Variants in MCTP1 observed in about 807,000 individuals in gnomAD.
The protein encoded by MCTP1 is multiple C2 and transmembrane domain containing 1.
In MCTP1, 69 loss-of-function variants were observed where a neutral mutation model predicts 120.6. That is an observed-to-expected ratio of 0.57 (90% CI 0.47 to 0.70). The LOEUF is 0.70. Ranked by LOEUF, MCTP1 falls within the 30% of genes least tolerant of loss-of-function variation. The probability of loss-of-function intolerance (pLI) is 0.00; values close to 1 mark genes in which losing one functional copy is unlikely to be tolerated. For synonymous variants in MCTP1, 529 were observed against 493.1 expected (o/e 1.07, Z -0.96); for missense variants, 1,203 against 1,248.8 (o/e 0.96, Z 0.55).
At chr5:95,224,972 T>C (rs1386688528) in intron 1 of MCTP1, among the ~76,000 whole-genome samples, 1 of 152,228 alleles carries the variant, frequency 6.6e-6, no homozygotes, top group African/African-American at 2.4e-5. Flanking sequence ...CCAGAACATG[T>C]TCCTGAAGGG....
At chr5:94,867,307 G>C (rs1034688742) in intron 17 of MCTP1, 105 of 1,531,534 alleles carry the variant, frequency 6.9e-5, no homozygotes, top group Non-Finnish European at 8.8e-5. Flanking sequence ...TAACTTTCTG[G>C]TAACTTACAA....
At chr5:94,761,332 G>A (rs1479369113) in intron 19 of MCTP1, among the ~76,000 whole-genome samples, 4 of 152,158 alleles carry the variant, frequency 2.6e-5, no homozygotes, top group African/African-American at 7.2e-5. Context: ...CTAGCTTTGA[G>A]GGAGAGCTTA....
Position 95,032,182 on chromosome 5 carries a change from T to C in MCTP1, c.721-14698A>G, listed in dbSNP as rs113963868. On this transcript the variant is annotated intron_variant, in intron 1 of 22. Transcript: ENST00000515393. ...TCTACTGACAGCACTAGATAGATCA[T>C]TGAGGCAGACAACTAACAAAGAAAC... is the stretch of plus-strand genomic sequence containing the variant. Among the ~76,000 whole-genome samples the C allele has an allele frequency of 2.5e-3, 373 of 152,178 alleles. 1 individual carries two copies. Among genetic ancestry groups the C allele is most frequent in the African/African-American group, 8.6e-3 (356 of 41,542 alleles).
intron 19 of MCTP1, among the ~76,000 whole-genome samples, chr5:94,733,085 T>C (rs1440366358): frequency 2.6e-5 from 4 of 152,264 alleles, no homozygotes; most frequent in African/African-American, 9.6e-5. Context: ...TACTTTATTA[T>C]TTAAGCTAGT....
chr5:95,255,117 T>C (rs926581541), intron 1 of MCTP1, among the ~76,000 whole-genome samples: 1 of 152,218 alleles, frequency 6.6e-6, no homozygotes, highest in Non-Finnish European at 1.5e-5. Context: ...TGAAAGCCAC[T>C]GTTCTATTCC....
At chr5:94,793,054 T>C (rs913924285) in intron 18 of MCTP1, among the ~76,000 whole-genome samples, 1 of 152,168 alleles carries the variant, frequency 6.6e-6, no homozygotes, top group Non-Finnish European at 1.5e-5. Flanking sequence ...TTCATAGGGC[T>C]CAGGGCTGGA....
chr5:94,909,338 T>G lies in MCTP1; in HGVS notation c.1565A>C (p.Asp522Ala), dbSNP rs1182697307. 6.8e-6 allele frequency: 11 copies of G among 1,608,996 alleles called. No homozygotes were observed. Among genetic ancestry groups the G allele is most frequent in the East Asian group, 2.2e-5 (1 of 44,628 alleles). The change falls in exon 10 of 23, where the codon GAT becomes GCT. Residue 522 changes from aspartate (D) to alanine (A), a missense_variant. Coordinates refer to ENST00000515393, the MANE Select transcript of MCTP1 (RefSeq NM_024717.7). ...TLNPQWREQF[D>A]FHLYEERGGV... ...TCCTCTTTCTTCATAAAGGTGAAAA[T>G]CAAATTGTTCCCTCCACTGAGGATT...
At chr5:95,270,647 G>A (rs137889231) in intron 1 of MCTP1, among the ~76,000 whole-genome samples, 155 of 152,186 alleles carry the variant, frequency 1.0e-3, no homozygotes, top group African/African-American at 3.3e-3. Context: ...GATAGACTGC[G>A]GGCCGGGCAT....
chr5:95,077,288 A>G (rs1306396231), intron 1 of MCTP1, among the ~76,000 whole-genome samples: 1 of 152,200 alleles, frequency 6.6e-6, no homozygotes. Context: ...AAATTATAAA[A>G]TAGTCAAAGT....
chr5:95,013,152 G>A (rs527836665), intron 2 of MCTP1, among the ~76,000 whole-genome samples: 2 of 152,200 alleles, frequency 1.3e-5, no homozygotes, highest in South Asian at 2.1e-4. Context: ...TTAAACCAAA[G>A]CCTAATCCAG....
At position 94,934,979 on chromosome 5, in the gene MCTP1, T is replaced by C. The variant is rs571917990; in HGVS notation, c.1174-2988A>G. On this transcript the variant is annotated intron_variant, in intron 5 of 22. Coordinates refer to ENST00000515393, the MANE Select transcript of MCTP1 (RefSeq NM_024717.7). ...ACACTATCAGACAAATTGCCATATA[T>C]AGGACACACATATATGCACTACACA... Among the ~76,000 whole-genome samples the C allele has an allele frequency of 5.9e-5, 9 of 151,990 alleles. No homozygotes were observed. In the East Asian group the frequency reaches 1.6e-3, roughly 26 times the overall value.
At chr5:94,985,369 T>C (rs1194297176) in intron 2 of MCTP1, among the ~76,000 whole-genome samples, 1 of 152,248 alleles carries the variant, frequency 6.6e-6, no homozygotes, top group Admixed American at 6.5e-5. Flanking sequence ...ATTTAAATTT[T>C]CATTTTGCTT....
intron 8 of MCTP1, among the ~76,000 whole-genome samples, chr5:94,916,863 C>A (rs752339285): frequency 2.6e-5 from 4 of 152,256 alleles, no homozygotes; most frequent in Admixed American, 6.5e-5. Flanking sequence ...CTGATACACA[C>A]TCTAGAGTGA....
At chr5:94,762,049 G>A (rs976286419) in intron 19 of MCTP1, among the ~76,000 whole-genome samples, 1 of 152,310 alleles carries the variant, frequency 6.6e-6, no homozygotes, top group Admixed American at 6.5e-5. Context: ...CCATACGAGA[G>A]ATTCAGGAAA....
chr5:95,112,019 C>T (rs1757492998), intron 1 of MCTP1, among the ~76,000 whole-genome samples: 1 of 152,122 alleles, frequency 6.6e-6, no homozygotes, highest in Admixed American at 6.5e-5. Flanking sequence ...AATGCAGTGC[C>T]ACAAATATAG....
At chr5:95,152,174 C>T (rs913687359) in intron 1 of MCTP1, among the ~76,000 whole-genome samples, 2 of 152,026 alleles carry the variant, frequency 1.3e-5, no homozygotes. Context: ...TCTCCACCAC[C>T]CTATTAAGTT....
chr5:94,947,573 TATATAGAG>T (rs1466489681), intron 3 of MCTP1, among the ~76,000 whole-genome samples: 17 of 47,022 alleles, frequency 3.6e-4, no homozygotes, highest in East Asian at 2.3e-3. Flanking sequence ...TATATATATA[TATATAGAG>T]AGAGAGAGAG....
At chr5:94,837,061 C>G (rs543889356) in intron 17 of MCTP1, among the ~76,000 whole-genome samples, 2 of 152,138 alleles carry the variant, frequency 1.3e-5, no homozygotes, top group African/African-American at 4.8e-5. Context: ...TCAGGTAGGG[C>G]AAGTAGTAGA....
At chr5:94,911,112 C>T (rs150413055) in intron 9 of MCTP1, among the ~76,000 whole-genome samples, 81 of 152,218 alleles carry the variant, frequency 5.3e-4, no homozygotes, top group African/African-American at 1.8e-3. Flanking sequence ...TTTTAACTAC[C>T]TTAAGTACTA....
Sources: allele counts gnomAD v4.1 joint callset (sites outside exome capture counted in the v4.1 genomes callset), GRCh38; gene constraint gnomAD v4.1.1; transcripts MANE v1.5; gene names NCBI Gene and HGNC (gene_info 2026-07-23, HGNC 2026-07-21).